The following TNR variants were observed in gnomAD, a reference collection of about 807,000 sequenced individuals.
TNR encodes the protein tenascin-R.
In TNR, 45 loss-of-function variants were observed where a neutral mutation model predicts 150.4. The ratio of observed to expected loss-of-function variants is 0.30; its 90% CI spans 0.24 to 0.38. The LOEUF is 0.38. Among genes scored for constraint, TNR ranks in the 10% least tolerant of loss-of-function variants. TNR has a pLI of 1.00. For synonymous variants in TNR, 687 were observed against 678.4 expected, an observed-to-expected ratio of 1.01 and a Z score of -0.20; for missense variants, 1,544 against 1,759.1, an observed-to-expected ratio of 0.88 and a Z score of 2.19.
chr1:175,594,258 T>C (rs1227550047), intron 1 of TNR, among the ~76,000 whole-genome samples: 1 of 152,004 alleles, frequency 6.6e-6, no homozygotes, highest in Non-Finnish European at 1.5e-5. Context: ...TTCAGTTCTC[T>C]GAATCTGTAT....
At chr1:175,469,634 G>A (rs1157158195) in intron 2 of TNR, among the ~76,000 whole-genome samples, 4 of 151,934 alleles carry the variant, frequency 2.6e-5, no homozygotes, top group African/African-American at 9.7e-5. Context: ...GGTAACTAGA[G>A]GGACGGGGAG....
chr1:175,334,996 T>A (rs1009600702), intron 20 of TNR, among the ~76,000 whole-genome samples: 6 of 152,092 alleles, frequency 3.9e-5, no homozygotes, highest in African/African-American at 1.4e-4. Context: ...GAAGATGAGA[T>A]GAGATAGTGG....
intron 2 of TNR, among the ~76,000 whole-genome samples, chr1:175,506,610 C>A (rs574470506): frequency 6.6e-6 from 1 of 152,340 alleles, no homozygotes; most frequent in South Asian, 2.1e-4. Context: ...AGAAGACCCC[C>A]TTTGCAAGCC....
At chr1:175,362,850 T>C (rs1380858293) in intron 13 of TNR, 41 bp from the exon 14 acceptor site, 1 of 1,611,814 alleles carries the variant, frequency 6.2e-7, no homozygotes, top group East Asian at 2.2e-5. Flanking sequence ...TCAGCAGCCC[T>C]TTCATCCAAG....
chr1:175,403,128 T>A lies in TNR; in HGVS notation c.976+12A>T, dbSNP rs1423156062. Reference sequence around the variant, plus strand: ...ACCCTTGCCAAACACCCCAGAGAGTTCCCCTGCCTACCTGCTGAGCAGTCA... The same window carrying A: ...ACCCTTGCCAAACACCCCAGAGAGTACCCCTGCCTACCTGCTGAGCAGTCA... On this transcript the variant is annotated intron_variant, in intron 4 of 22. Coordinates refer to ENST00000367674, the MANE Select transcript of TNR (RefSeq NM_003285.3). 1 of 1,600,644 alleles carries A rather than the reference T, an allele frequency of 6.2e-7. No homozygotes were observed. The highest frequency in any genetic ancestry group is 1.3e-5 in the African/African-American group (1 of 74,716).
At chr1:175,501,772 A>G (rs780875131) in intron 2 of TNR, among the ~76,000 whole-genome samples, 1 of 152,026 alleles carries the variant, frequency 6.6e-6, no homozygotes, top group Non-Finnish European at 1.5e-5. Flanking sequence ...GTCTAAATTC[A>G]TTCATTCATT....
chr1:175,410,225 T>C (rs57376208), intron 2 of TNR, among the ~76,000 whole-genome samples: 5,817 of 152,228 alleles, frequency 0.038, 357 homozygotes, highest in African/African-American at 0.13. Context: ...AAGGGAGCCC[T>C]GTGGGGAGAT....
At chr1:175,451,789 T>A (rs1656336031) in intron 2 of TNR, among the ~76,000 whole-genome samples, 1 of 152,164 alleles carries the variant, frequency 6.6e-6, no homozygotes, top group South Asian at 2.1e-4. Context: ...AAAAATGACT[T>A]AGCATTTTGA....
intron 2 of TNR, among the ~76,000 whole-genome samples, chr1:175,452,856 A>G (rs1369452317): frequency 1.3e-5 from 2 of 152,226 alleles, no homozygotes; most frequent in Admixed American, 6.5e-5. Context: ...TATATACCAT[A>G]GCATACTATT....
Position 175,647,416 on chromosome 1 carries a change from C to G in TNR, c.-165+95810G>C, listed in dbSNP as rs114132218. On this transcript the variant is annotated intron_variant, in intron 1 of 22. Coordinates refer to ENST00000367674, the MANE Select transcript of TNR (RefSeq NM_003285.3). ...TTCTTTGTTATAGTATTTGAAAATA[C>G]GCTTGTTACTATTCGGTGCAAAAAA... Among the ~76,000 whole-genome samples the G allele has an allele frequency of 8.9e-3, 1,272 of 143,458 alleles. 16 individuals are homozygous for G. The highest frequency in any genetic ancestry group is 0.032 in the African/African-American group (1,136 of 35,600). 94.1% of individuals were successfully genotyped at this position (143,458 alleles called of 152,430 possible).
chr1:175,610,035 T>C (rs1478747312), intron 1 of TNR, among the ~76,000 whole-genome samples: 5 of 152,264 alleles, frequency 3.3e-5, no homozygotes, highest in African/African-American at 9.6e-5. Flanking sequence ...AGGATGAAGA[T>C]TGGGGCCTAA....
chr1:175,722,894 C>G (rs527261652), intron 1 of TNR, among the ~76,000 whole-genome samples: 29 of 152,050 alleles, frequency 1.9e-4, no homozygotes, highest in Non-Finnish European at 4.0e-4. Flanking sequence ...TGGGTTCAAA[C>G]AATTCTCCTG....
intron 16 of TNR, among the ~76,000 whole-genome samples, chr1:175,356,022 A>G (rs1288975867): frequency 1.3e-5 from 2 of 152,150 alleles, no homozygotes; most frequent in Non-Finnish European, 2.9e-5. Flanking sequence ...TTTCCTAGAT[A>G]TCTAGCCTTT....
At chr1:175,630,496 A>G (rs1664292455) in intron 1 of TNR, among the ~76,000 whole-genome samples, 1 of 152,200 alleles carries the variant, frequency 6.6e-6, no homozygotes, top group African/African-American at 2.4e-5. Flanking sequence ...TACATACTTC[A>G]CTACTGGTCT....
At chr1:175,339,226 T>A (rs1209908381) in intron 18 of TNR, among the ~76,000 whole-genome samples, 1 of 152,232 alleles carries the variant, frequency 6.6e-6, no homozygotes. Context: ...GCAGGAAATA[T>A]AATGCATGAT....
At chr1:175,652,879 G>A (rs1311448960) in intron 1 of TNR, among the ~76,000 whole-genome samples, 2 of 152,188 alleles carry the variant, frequency 1.3e-5, no homozygotes, top group East Asian at 1.9e-4. Flanking sequence ...AAAGCTGTGA[G>A]TAGAAAATTC....
chr1:175,657,121 AG>A (rs1394879698), intron 1 of TNR, among the ~76,000 whole-genome samples: 15 of 152,202 alleles, frequency 9.9e-5, no homozygotes, highest in African/African-American at 3.4e-4. Context: ...GGTTCTCAGA[AG>A]CAGAGGACTG....
At chr1:175,359,847 A>G in intron 14 of TNR, 116 bp from the exon 15 acceptor site, 1 of 1,314,044 alleles carries the variant, frequency 7.6e-7, no homozygotes, top group Non-Finnish European at 1.0e-6. Context: ...CTACAAAACA[A>G]AGAAGTGAGC....
intron 1 of TNR, among the ~76,000 whole-genome samples, chr1:175,647,222 G>A (rs998723593): frequency 1.3e-5 from 2 of 152,150 alleles, no homozygotes; most frequent in African/African-American, 4.8e-5. Flanking sequence ...AAAAAAAGGA[G>A]CATCGTGTTT....
Sources: allele counts gnomAD v4.1 joint callset (sites outside exome capture counted in the v4.1 genomes callset), GRCh38; gene constraint gnomAD v4.1.1; transcripts MANE v1.5; gene names NCBI Gene and HGNC (gene_info 2026-07-23, HGNC 2026-07-21).